Variants in ARID3A observed in about 807,000 individuals in gnomAD.
The protein encoded by ARID3A is AT-rich interactive domain-containing protein 3A.
In ARID3A, 11 loss-of-function variants were observed where a neutral mutation model predicts 52.7. That is an observed-to-expected ratio of 0.21 (90% CI 0.13 to 0.35). The LOEUF (loss-of-function observed/expected upper bound fraction) is 0.35, where lower values mean the gene tolerates loss of function less well. Ranked by LOEUF, ARID3A falls within the 10% of genes least tolerant of loss-of-function variation. The pLI, the probability that ARID3A is intolerant of heterozygous loss-of-function variation, is 1.00. For missense variants in ARID3A, 721 were observed against 838.5 expected, an observed-to-expected ratio of 0.86 and a Z score of 1.73; for synonymous variants, 404 against 359.4, an observed-to-expected ratio of 1.12 and a Z score of -1.40.
At chr19:963,996 C>T (rs1029958329) in intron 4 of ARID3A, among the ~76,000 whole-genome samples, 1 of 152,208 alleles carries the variant, frequency 6.6e-6, no homozygotes, top group Non-Finnish European at 1.5e-5. Flanking sequence ...CCGAGGGCTG[C>T]GCTGTCCCTA....
chr19:957,058 G>A (rs1209631106), intron 3 of ARID3A, among the ~76,000 whole-genome samples: 1 of 152,186 alleles, frequency 6.6e-6, no homozygotes, highest in Non-Finnish European at 1.5e-5. Flanking sequence ...CCTGAACTCC[G>A]CTTTCTAATT....
At chr19:935,233 A>C (rs537813979) in intron 3 of ARID3A, among the ~76,000 whole-genome samples, 43 of 151,518 alleles carry the variant, frequency 2.8e-4, no homozygotes, top group Admixed American at 2.6e-3. Context: ...TGTCGGCTGC[A>C]GGTCTGGTGG....
intron 3 of ARID3A, among the ~76,000 whole-genome samples, chr19:950,573 C>T (rs1426588744): frequency 1.3e-5 from 2 of 152,130 alleles, no homozygotes; most frequent in Admixed American, 1.3e-4. Flanking sequence ...GCGTGGGGAC[C>T]GGCAGGCAGG....
intron 3 of ARID3A, among the ~76,000 whole-genome samples, chr19:943,448 A>T (rs946468654): frequency 6.6e-6 from 1 of 151,740 alleles, no homozygotes; most frequent in African/African-American, 2.4e-5. Context: ...GGTGCCTGTA[A>T]TCCCAGCTAC....
rs746603897 is a variant in ARID3A, at chr19:942,602, G to C, written c.693+9860G>C. On this transcript the variant is annotated intron_variant, in intron 3 of 8. Transcript: ENST00000263620. This position sits in a 1 kb window ranked among gnomAD's most constrained non-coding sequence, Gnocchi z 8.1. ...AGCCTTGCCCCTTGGTCAGGGCTGG[G>C]CTGGGGGTCCGTGGGCACAGGTGGG... is the stretch of plus-strand genomic sequence containing the variant. Among the ~76,000 whole-genome samples the C allele has an allele frequency of 5.9e-5, 9 of 152,350 alleles. No individual in the cohort carries two copies. The highest frequency in any genetic ancestry group is 1.9e-4 in the East Asian group (1 of 5,184).
chr19:953,092 G>T (rs1397936149), intron 3 of ARID3A, among the ~76,000 whole-genome samples: 2 of 151,904 alleles, frequency 1.3e-5, no homozygotes, highest in African/African-American at 4.8e-5. Flanking sequence ...GAGCCGGTGG[G>T]CTGGGGAGGG....
In ARID3A at chr19:929,783, C is replaced by G. The variant is rs1461612468; in HGVS notation, c.255C>G (p.Pro85=). The part of the protein sequence containing the change: ...PASPGGSEDG[P]PGSEEEDAAR... Reference sequence around the variant, plus strand: ...GCCCCGGCGGCTCTGAGGATGGGCCCCCAGGCTCGGAGGAGGAGGACGCGG... The same window carrying G: ...GCCCCGGCGGCTCTGAGGATGGGCCGCCAGGCTCGGAGGAGGAGGACGCGG... The change falls in exon 2 of 9, where the codon CCC becomes CCG. Residue 85 remains proline, a synonymous_variant. Transcript: ENST00000263620. The surrounding 1 kb of genome is among the most constrained non-coding windows in gnomAD (Gnocchi z 6.2). 1.7e-5 allele frequency: 27 copies of G among 1,550,486 alleles called. No individual in the cohort carries two copies. The highest frequency in any genetic ancestry group is 2.3e-5 in the Non-Finnish European group (26 of 1,152,438).
At chr19:967,451 C>A (rs1404081373) in intron 7 of ARID3A, among the ~76,000 whole-genome samples, 3 of 150,914 alleles carry the variant, frequency 2.0e-5, no homozygotes, top group Admixed American at 6.6e-5. Flanking sequence ...CCCAGCTACT[C>A]GGGAGGCTGA....
chr19:927,154 C>A lies in ARID3A; in HGVS notation c.-268+1095C>A, dbSNP rs867366799. On this transcript the variant is annotated intron_variant, in intron 1 of 8. Transcript: ENST00000263620. ...CATGTTTTGCAAGGCCCGCGCCGAG[C>A]GGGTGACCTCTCTCCGGAGGCCTGG... Among the ~76,000 whole-genome samples the A allele has an allele frequency of 1.4e-4, 22 of 152,104 alleles. 1 individual carries two copies. The highest frequency in any genetic ancestry group is 2.9e-4 in the Non-Finnish European group (20 of 67,998).
chr19:973,447 C>A lies in ARID3A; in HGVS notation c.*1382C>A, dbSNP rs574256087. The A allele has an allele frequency of 5.4e-4, 111 of 206,636 alleles. No homozygotes were observed. The highest frequency in any genetic ancestry group is 9.4e-4 in the Non-Finnish European group (95 of 100,976). The allele number at this position is 206,636 out of a possible 1,614,324, so 12.8% of individuals were successfully genotyped here. A position where few individuals can be genotyped will look rare whatever the true frequency, so the allele number is the denominator to read the frequency against. On this transcript the variant is annotated 3_prime_UTR_variant, in exon 9 of 9. Transcript: ENST00000263620. ...AATCTTATCTAAAAAGTAGCAAGTG[C>A]TGGAAAAAGGGCCTGGGGGGCGGGG... is the stretch of plus-strand genomic sequence containing the variant.
Position 975,367 on chromosome 19 carries a change from C to T in ARID3A, c.*3302C>T, listed in dbSNP as rs1281642580. 4.5e-5 allele frequency: 10 copies of T among 224,688 alleles called. No individual in the cohort carries two copies. The highest frequency in any genetic ancestry group is 8.9e-5 in the African/African-American group (4 of 44,712). The allele number at this position is 224,688 out of a possible 1,614,324, so 13.9% of individuals were successfully genotyped here. ...AAGGCGGGAGGGTGGGCACGGGGCA[C>T]GGGGGGCAGCTGGGGTCGTTGTTAA... On this transcript the variant is annotated 3_prime_UTR_variant, in exon 9 of 9. Transcript: ENST00000263620.
At chr19:970,570 T>A (rs369702573) in intron 8 of ARID3A, among the ~76,000 whole-genome samples, 3 of 143,514 alleles carry the variant, frequency 2.1e-5, no homozygotes, top group East Asian at 2.1e-4. Flanking sequence ...TGCAATGGCA[T>A]GATCTCAGCT....
chr19:952,056 G>A (rs961105952), intron 3 of ARID3A, among the ~76,000 whole-genome samples: 5 of 151,986 alleles, frequency 3.3e-5, no homozygotes, highest in Non-Finnish European at 4.4e-5. Flanking sequence ...CAGGAGAATC[G>A]TTTGAACCCG....
Position 929,917 on chromosome 19 carries a change from G to A in ARID3A, c.368+21G>A. On this transcript the variant is annotated intron_variant, in intron 2 of 8. Transcript: ENST00000263620. This position sits in a 1 kb window ranked among gnomAD's most constrained non-coding sequence, Gnocchi z 6.2. ...GACATGTGAGTTGGGGTCTGGGGCA[G>A]GGCCTTCTGGGGGCTGTTACTGGCT... is the stretch of plus-strand genomic sequence containing the variant. 1.3e-6 allele frequency: 2 copies of A among 1,537,640 alleles called. No individual in the cohort carries two copies. The highest frequency in any genetic ancestry group is 1.2e-5 in the South Asian group (1 of 84,054).
At chr19:940,243 G>T (rs552794638) in intron 3 of ARID3A, among the ~76,000 whole-genome samples, 3 of 152,274 alleles carry the variant, frequency 2.0e-5, no homozygotes, top group African/African-American at 7.2e-5. Context: ...GGAAGAAGAA[G>T]AATTGTCTTG....
chr19:949,677 T>TG (rs34298157), intron 3 of ARID3A, among the ~76,000 whole-genome samples: 2 of 5,050 alleles, frequency 4.0e-4, no homozygotes, highest in Non-Finnish European at 6.5e-4. Context: ...TGATTCTGTC[T>TG]TTTTTTTTTT....
chr19:958,401 C>T (rs1358295302), intron 3 of ARID3A, among the ~76,000 whole-genome samples: 1 of 144,902 alleles, frequency 6.9e-6, no homozygotes, highest in Non-Finnish European at 1.5e-5. Context: ...GCACTCCAGC[C>T]TGGGCGACAG....
At position 944,078 on chromosome 19, in the gene ARID3A, C is replaced by G. The variant is rs897953497; in HGVS notation, c.693+11336C>G. On this transcript the variant is annotated intron_variant, in intron 3 of 8. Coordinates refer to ENST00000263620, the MANE Select transcript of ARID3A (RefSeq NM_005224.3). This position sits in a 1 kb window ranked among gnomAD's most constrained non-coding sequence, Gnocchi z 5.9. ...ACGGGGCATCTGTATGCCAGCCCGA[C>G]CCTCTCATGGGCACCTACAGGGTAC... 6.6e-6 allele frequency among the ~76,000 whole-genome samples: 1 copy of G among 151,170 alleles called. No individual in the cohort carries two copies. Among genetic ancestry groups the G allele is most frequent in the Non-Finnish European group, 1.5e-5 (1 of 67,782 alleles).
intron 6 of ARID3A, 50 bp downstream of exon 6, chr19:965,130 T>G: frequency 6.5e-7 from 1 of 1,535,872 alleles, no homozygotes; most frequent in Non-Finnish European, 8.8e-7. Context: ...AGCTTCAGCC[T>G]GGCTGTCTGA....
Sources: allele counts gnomAD v4.1 joint callset (sites outside exome capture counted in the v4.1 genomes callset), GRCh38; gene constraint gnomAD v4.1.1; non-coding constraint Gnocchi (gnomAD v3.1); transcripts MANE v1.5; gene names NCBI Gene and HGNC (gene_info 2026-07-23, HGNC 2026-07-21).